Variants in FCHSD2 observed in about 807,000 individuals in gnomAD.
The protein encoded by FCHSD2 is FCH and double SH3 domains 2.
Under a neutral mutation model 108.1 loss-of-function variants are expected in FCHSD2, and 38 were observed. The observed-to-expected ratio is 0.35, with a 90% CI of 0.27 to 0.46. The LOEUF is 0.46. Ranked by LOEUF, FCHSD2 falls within the 20% of genes least tolerant of loss-of-function variation. FCHSD2 has a pLI of 1.00. For missense variants in FCHSD2, 751 were observed against 897.8 expected, an observed-to-expected ratio of 0.84 and a Z score of 2.09; for synonymous variants, 279 against 314.7, an observed-to-expected ratio of 0.89 and a Z score of 1.20.
intron 17 of FCHSD2, 59 bp from the exon 18 acceptor site, chr11:72,841,642 G>A: frequency 6.7e-7 from 1 of 1,500,014 alleles, no homozygotes; most frequent in East Asian, 2.4e-5. Context: ...GAGCCTGGCT[G>A]CTTCTCTGAC....
At position 72,836,906 on chromosome 11, in the gene FCHSD2, AAAGGAGGC is replaced by A. The variant is rs1281303413; in HGVS notation, c.*1877_*1884del. 5 of 152,740 alleles carry A rather than the reference AAAGGAGGC, an allele frequency of 3.3e-5. No homozygotes were observed. The highest frequency in any genetic ancestry group is 7.4e-5 in the Non-Finnish European group (5 of 68,020). 9.5% of individuals were successfully genotyped at this position (152,740 alleles called of 1,614,324 possible). ...CCTGGATGGAGGGGTTATTTTTTAAAAAGGAGGCATGTTTTCACAACTTTGTTTTTTAA... is the reference window on the plus strand; with the variant it reads ...CCTGGATGGAGGGGTTATTTTTTAAAATGTTTTCACAACTTTGTTTTTTAA... On this transcript the variant is annotated 3_prime_UTR_variant, in exon 20 of 20. Transcript: ENST00000409418.
At chr11:72,932,031 C>T (rs1856203869) in intron 8 of FCHSD2, among the ~76,000 whole-genome samples, 2 of 152,196 alleles carry the variant, frequency 1.3e-5, no homozygotes, top group South Asian at 4.1e-4. Flanking sequence ...ATTCTCTTTT[C>T]CATCTGCTTT....
intron 5 of FCHSD2, among the ~76,000 whole-genome samples, chr11:72,989,996 A>T (rs1175146507): frequency 6.6e-6 from 1 of 152,186 alleles, no homozygotes; most frequent in Non-Finnish European, 1.5e-5. Context: ...ATAAAACAAG[A>T]ATAAACTTAA....
chr11:72,911,904 T>C (rs903222365), intron 9 of FCHSD2, among the ~76,000 whole-genome samples: 3 of 152,222 alleles, frequency 2.0e-5, no homozygotes, highest in Admixed American at 2.0e-4. Context: ...TTTAATGTAT[T>C]TGTAGCTATT....
At chr11:72,853,138 A>C (rs1343564323) in intron 13 of FCHSD2, among the ~76,000 whole-genome samples, 1 of 152,182 alleles carries the variant, frequency 6.6e-6, no homozygotes, top group Non-Finnish European at 1.5e-5. Context: ...TCTTGCACTT[A>C]AAAGTTTTTT....
intron 2 of FCHSD2, among the ~76,000 whole-genome samples, chr11:73,110,235 C>T (rs542582427): frequency 6.6e-6 from 1 of 151,854 alleles, no homozygotes; most frequent in Middle Eastern, 3.4e-3. Flanking sequence ...CCCTCCTCCT[C>T]TATTTTTCAG....
intron 9 of FCHSD2, among the ~76,000 whole-genome samples, chr11:72,908,607 G>C (rs1855684130): frequency 6.6e-6 from 1 of 152,166 alleles, no homozygotes; most frequent in African/African-American, 2.4e-5. Context: ...TCTTACTGTA[G>C]TTTTGATTTG....
intron 8 of FCHSD2, among the ~76,000 whole-genome samples, chr11:72,970,145 C>A (rs2135383468): frequency 6.6e-6 from 1 of 152,262 alleles, no homozygotes; most frequent in East Asian, 1.9e-4. Flanking sequence ...ACTGATAAAG[C>A]AAGAAAACTC....
intron 9 of FCHSD2, among the ~76,000 whole-genome samples, chr11:72,915,292 T>C (rs1855849542): frequency 6.6e-6 from 1 of 152,008 alleles, no homozygotes; most frequent in Non-Finnish European, 1.5e-5. Context: ...TTTTACACTG[T>C]TGGTAGGAGT....
intron 8 of FCHSD2, among the ~76,000 whole-genome samples, chr11:72,950,961 T>G (rs1159765891): frequency 6.6e-6 from 1 of 152,216 alleles, no homozygotes; most frequent in Non-Finnish European, 1.5e-5. Flanking sequence ...CTTTAAGGAC[T>G]AGATCTTAAG....
chr11:73,032,280 G>A (rs891950010), intron 3 of FCHSD2, among the ~76,000 whole-genome samples: 1 of 152,094 alleles, frequency 6.6e-6, no homozygotes, highest in African/African-American at 2.4e-5. Context: ...CCGGGCTGGA[G>A]TACAACAGCA....
At chr11:73,116,647 C>T (rs535016278) in intron 2 of FCHSD2, among the ~76,000 whole-genome samples, 3 of 152,084 alleles carry the variant, frequency 2.0e-5, no homozygotes, top group Non-Finnish European at 2.9e-5. Flanking sequence ...CACAAGCTCC[C>T]GCGTCAGCCT....
intron 12 of FCHSD2, among the ~76,000 whole-genome samples, chr11:72,879,604 T>G (rs1485443891): frequency 6.6e-6 from 1 of 152,102 alleles, no homozygotes; most frequent in East Asian, 1.9e-4. Context: ...GAGCTAAAAA[T>G]ATAACATTTG....
At chr11:72,986,336 A>C (rs1857311135) in intron 6 of FCHSD2, among the ~76,000 whole-genome samples, 1 of 151,958 alleles carries the variant, frequency 6.6e-6, no homozygotes, top group Non-Finnish European at 1.5e-5. Flanking sequence ...CAGCCTCCCG[A>C]GTAGCTGGGA....
At chr11:72,894,831 G>A (rs1011194625) in intron 10 of FCHSD2, among the ~76,000 whole-genome samples, 3 of 152,074 alleles carry the variant, frequency 2.0e-5, no homozygotes, top group African/African-American at 7.2e-5. Context: ...ATACATATAT[G>A]AATGAAAATA....
rs1203038727 is a variant in FCHSD2, at chr11:72,913,833, AAC to A, written c.828+7993_828+7994del. On this transcript the variant is annotated intron_variant, in intron 9 of 19. Transcript: ENST00000409418. ...AAAACCAAAAAAAACCCAAAAAAAAAACAAAAAAAAAAACCCTAGAAATACAG... is the reference window on the plus strand; with the variant it reads ...AAAACCAAAAAAAACCCAAAAAAAAAAAAAAAAAAAACCCTAGAAATACAG... 4.2e-4 allele frequency among the ~76,000 whole-genome samples: 60 copies of A among 144,356 alleles called. No individual in the cohort carries two copies. The East Asian group carries it at 4.4e-3, about 11-fold the overall frequency. The allele number at this position is 144,356 out of a possible 152,430, so 94.7% of individuals were successfully genotyped here.
At chr11:73,139,387 T>C (rs901709336) in intron 2 of FCHSD2, among the ~76,000 whole-genome samples, 2 of 152,242 alleles carry the variant, frequency 1.3e-5, no homozygotes, top group Admixed American at 6.5e-5. Context: ...TGTCAGTCTG[T>C]ATTACAAGAT....
intron 5 of FCHSD2, among the ~76,000 whole-genome samples, chr11:72,994,945 T>C (rs1049886441): frequency 2.0e-5 from 3 of 152,178 alleles, no homozygotes; most frequent in African/African-American, 7.2e-5. Context: ...CAAAACATTT[T>C]CCTACCCCAA....
rs187165736 is a variant in FCHSD2 at position 72,986,120 on chromosome 11, G to A, written c.522-1004C>T. On this transcript the variant is annotated intron_variant, in intron 6 of 19. Coordinates refer to ENST00000409418, the MANE Select transcript of FCHSD2 (RefSeq NM_014824.3). ...ACATTCAGGGATGAACACATATGCA[G>A]CCCAACTACTTCCCCATTGTTAAAA... is the stretch of plus-strand genomic sequence containing the variant. Among the ~76,000 whole-genome samples the A allele has an allele frequency of 1.9e-3, 291 of 152,226 alleles. 1 individual carries two copies. Among genetic ancestry groups the A allele is most frequent in the Non-Finnish European group, 3.5e-3 (236 of 68,006 alleles).
Sources: gnomAD v4.1 joint callset for allele counts (sites outside exome capture counted in the v4.1 genomes callset) on GRCh38, gnomAD v4.1.1 for gene constraint, MANE v1.5 for transcripts, NCBI Gene and HGNC (gene_info 2026-07-23, HGNC 2026-07-21) for gene names.